Variants in C16orf46 observed in about 807,000 individuals in gnomAD.
C16orf46 encodes the protein uncharacterized protein C16orf46.
C16orf46 carries 7 observed loss-of-function variants against 5.5 expected under a neutral mutation model. The observed-to-expected ratio is 1.28, with a 90% CI of 0.73 to 2.40. The LOEUF is 2.40. Ranked by LOEUF, C16orf46 falls within the 30% of genes most tolerant of loss-of-function variation. C16orf46 has a pLI of 0.00. For synonymous variants in C16orf46, 200 were observed against 184.1 expected, an observed-to-expected ratio of 1.09 and a Z score of -0.70; for missense variants, 614 against 476.0, an observed-to-expected ratio of 1.29 and a Z score of -2.70.
chr16:81,053,620 C>T (rs1971209724), exon 4 of C16orf46: 2 of 154,768 alleles, frequency 1.3e-5, no homozygotes, highest in South Asian at 4.0e-4. Context: ...ATGGCCCCTC[C>T]ACTAACTTTT....
intron 1 of C16orf46, among the ~76,000 whole-genome samples, chr16:81,073,596 C>T (rs34082687): frequency 6.6e-6 from 1 of 152,072 alleles, no homozygotes; most frequent in South Asian, 2.1e-4. Context: ...AACCAGTTGA[C>T]CTGAAGATAG....
intron 2 of C16orf46, 42 bp from the exon 3 acceptor site, chr16:81,064,035 T>G: frequency 9.0e-7 from 1 of 1,110,348 alleles, no homozygotes; most frequent in Non-Finnish European, 1.3e-6. Context: ...TAATATTAAT[T>G]TTTTTTTAAA....
In C16orf46 at chr16:81,063,980, T is replaced by TTAACATC; in HGVS notation, c.-32_-26dup. 6.5e-7 allele frequency: 1 copy of TTAACATC among 1,538,402 alleles called. No individual in the cohort carries two copies. Among genetic ancestry groups the TTAACATC allele is most frequent in the African/African-American group, 1.4e-5 (1 of 72,698 alleles). ...TTACTGTGATGCTTGCTTAAAGTTT[T>TTAACATC]TAACATCTTCTTGCTGTTTAAAAAC... On this transcript the variant is annotated 5_prime_UTR_variant, in exon 3 of 4. In the 5' UTR this introduces an upstream ATG that the reference lacks. Transcript: ENST00000299578.
Position 81,073,599 on chromosome 16 carries a change from G to T in C16orf46, c.-128+3537C>A, listed in dbSNP as rs76703117. Among the ~76,000 whole-genome samples the T allele has an allele frequency of 9.6e-3, 1,465 of 152,304 alleles. 17 individuals are homozygous for T. Among genetic ancestry groups the T allele is most frequent in the African/African-American group, 0.033 (1,375 of 41,562 alleles). On this transcript the variant is annotated intron_variant, in intron 1 of 3. Transcript: ENST00000299578. Reference sequence around the variant, plus strand: ...ATTATGGTTATTAACCAGTTGACCTGAAGATAGGATATTATTTTAGATAAT... The same window carrying T: ...ATTATGGTTATTAACCAGTTGACCTTAAGATAGGATATTATTTTAGATAAT...
At chr16:81,059,024 G>C (rs1439717813), downstream of C16orf46, among the ~76,000 whole-genome samples, 1 of 152,116 alleles carries the variant, frequency 6.6e-6, no homozygotes, top group African/African-American at 2.4e-5. Context: ...AGGATTAAAA[G>C]AGATAATGTC....
At chr16:81,056,933 CA>C (rs1336494276), downstream of C16orf46, among the ~76,000 whole-genome samples, 1 of 152,104 alleles carries the variant, frequency 6.6e-6, no homozygotes, top group Admixed American at 6.5e-5. Context: ...CGGTGGGCTC[CA>C]GATTACTAAT....
At position 81,061,485 on chromosome 16, in the gene C16orf46, T is replaced by A; in HGVS notation, c.864A>T (p.Ile288=). 1 of 1,614,100 alleles carries A rather than the reference T, an allele frequency of 6.2e-7. No individual in the cohort carries two copies. The highest frequency in any genetic ancestry group is 2.2e-5 in the East Asian group (1 of 44,856). ...TPSSPSPAAQ[I]SLLTDPEQRC... is the part of the protein sequence containing the mutation. ...GCTGCTCCGGATCGGTCAGCAGGGA[T>A]ATCTGGGCCGCTGGGGAAGGGGAGG... The change falls in exon 4 of 4, where the codon ATA becomes ATT. Residue 288 remains isoleucine (I), a synonymous_variant. Coordinates refer to ENST00000299578, the MANE Select transcript of C16orf46 (RefSeq NM_152337.3).
At chr16:81,056,366 G>A (rs909821059), downstream of C16orf46, 46 of 152,190 alleles carry the variant, frequency 3.0e-4, no homozygotes, top group African/African-American at 9.9e-4. Context: ...CTGACTGAAT[G>A]GGCCCTCCTG....
chr16:81,071,798 T>C (rs1971863302), intron 1 of C16orf46, among the ~76,000 whole-genome samples: 1 of 152,186 alleles, frequency 6.6e-6, no homozygotes, highest in African/African-American at 2.4e-5. Flanking sequence ...TCATTAGTGG[T>C]ACCATCTTAT....
downstream of C16orf46, chr16:81,060,334 G>A (rs1243898070): frequency 6.6e-6 from 1 of 152,550 alleles, no homozygotes; most frequent in Non-Finnish European, 1.5e-5. Flanking sequence ...TTGAGGCGGA[G>A]TTTCGCTCTT....
At chr16:81,056,672 G>T (rs1852450052), downstream of C16orf46, among the ~76,000 whole-genome samples, 1 of 138,376 alleles carries the variant, frequency 7.2e-6, no homozygotes, top group African/African-American at 2.7e-5. Flanking sequence ...CTCCAGCCTG[G>T]GTAACAGAAC....
intron 1 of C16orf46, among the ~76,000 whole-genome samples, chr16:81,073,781 T>C (rs1971935498): frequency 6.6e-6 from 1 of 151,550 alleles, no homozygotes; most frequent in African/African-American, 2.5e-5. Context: ...GGATGGCATT[T>C]AGGAGCTGAG....
Position 81,063,979 on chromosome 16 carries a change from T to TTTAACATC in C16orf46, c.-32_-25dup, listed in dbSNP as rs1227356805. On this transcript the variant is annotated 5_prime_UTR_variant, in exon 3 of 4. In the 5' UTR this introduces an upstream ATG that the reference lacks. Transcript: ENST00000299578. ...ATTACTGTGATGCTTGCTTAAAGTT[T>TTTAACATC]TTAACATCTTCTTGCTGTTTAAAAA... is the stretch of plus-strand genomic sequence containing the variant. 1 of 1,537,526 alleles carries TTTAACATC rather than the reference T, an allele frequency of 6.5e-7. No individual in the cohort carries two copies.
intron 2 of C16orf46, among the ~76,000 whole-genome samples, chr16:81,064,747 A>G (rs1419343901): frequency 0.1 from 198 of 1,930 alleles, 1 homozygote; most frequent in Middle Eastern, 0.5. Flanking sequence ...ACTCTGTCTC[A>G]AAAAAAAAAA....
At chr16:81,053,998 T>G in exon 4 of C16orf46, 1 of 1,477,752 alleles carries the variant, frequency 6.8e-7, no homozygotes, top group Non-Finnish European at 9.5e-7. Context: ...ATGTCCTGGG[T>G]GAAATATTTG....
exon 4 of C16orf46, chr16:81,053,918 C>G (rs1272803926): frequency 1.3e-6 from 1 of 742,152 alleles, no homozygotes; most frequent in Non-Finnish European, 2.2e-6. Context: ...TTGCTCCAAA[C>G]GTGGCGTCTT....
At chr16:81,057,525 GAA>G (rs1189488489), downstream of C16orf46, among the ~76,000 whole-genome samples, 4 of 128,502 alleles carry the variant, frequency 3.1e-5, no homozygotes, top group Non-Finnish European at 6.5e-5. Flanking sequence ...GCCCACAGAG[GAA>G]GACTCTGTCT....
chr16:81,057,599 T>TA (rs34329251), downstream of C16orf46, among the ~76,000 whole-genome samples: 16,488 of 145,316 alleles, frequency 0.11, 1,000 homozygotes, highest in East Asian at 0.26. Context: ...AGTCTTAGGT[T>TA]AAAAAAAAAA....
At chr16:81,059,320 CAAAAAAAA>C (rs71143671), downstream of C16orf46, among the ~76,000 whole-genome samples, 6 of 46,612 alleles carry the variant, frequency 1.3e-4, no homozygotes, top group Non-Finnish European at 2.3e-4. Flanking sequence ...GACTCTGTCT[CAAAAAAAA>C]AAAAAAAAAA....
Sources: gnomAD v4.1 joint callset for allele counts (sites outside exome capture counted in the v4.1 genomes callset) on GRCh38, gnomAD v4.1.1 for gene constraint, MANE v1.5 for transcripts, NCBI Gene and HGNC (gene_info 2026-07-23, HGNC 2026-07-21) for gene names.